CSNK1G3: variants seen among roughly 807,000 people sequenced by gnomAD.
The protein encoded by CSNK1G3 is casein kinase 1 gamma 3.
CSNK1G3 carries 23 observed loss-of-function variants against 64.3 expected under a neutral mutation model. The ratio of observed to expected loss-of-function variants is 0.36; its 90% CI spans 0.26 to 0.51. CSNK1G3 has a LOEUF of 0.51. Among genes scored for constraint, CSNK1G3 ranks in the 20% least tolerant of loss-of-function variants. The pLI is 0.96. For missense variants in CSNK1G3, 357 were observed against 510.5 expected, an observed-to-expected ratio of 0.70 and a Z score of 2.90; for synonymous variants, 158 against 162.2, an observed-to-expected ratio of 0.97 and a Z score of 0.20.
chr5:123,593,904 C>T (rs1328355508), intron 10 of CSNK1G3, among the ~76,000 whole-genome samples: 1 of 152,028 alleles, frequency 6.6e-6, no homozygotes, highest in Non-Finnish European at 1.5e-5. Context: ...ATATGCTTGG[C>T]ACTTTGTGGC....
chr5:123,550,608 C>T (rs1301679479), intron 2 of CSNK1G3, among the ~76,000 whole-genome samples: 1 of 152,094 alleles, frequency 6.6e-6, no homozygotes, highest in Non-Finnish European at 1.5e-5. Context: ...ATTACCACCC[C>T]AAAGCCACAA....
intron 1 of CSNK1G3, among the ~76,000 whole-genome samples, chr5:123,525,333 A>G (rs1267408579): frequency 1.4e-5 from 2 of 141,414 alleles, no homozygotes; most frequent in Non-Finnish European, 3.0e-5. Context: ...TTTTTTTGAG[A>G]CGGAGTCTCA....
At chr5:123,532,104 G>A (rs1029397579) in intron 1 of CSNK1G3, among the ~76,000 whole-genome samples, 12 of 151,782 alleles carry the variant, frequency 7.9e-5, no homozygotes, top group African/African-American at 2.9e-4. Flanking sequence ...AGCAACTGGT[G>A]TAATAGTAAG....
chr5:123,601,001 C>T (rs1339689357), intron 10 of CSNK1G3, among the ~76,000 whole-genome samples: 2 of 151,578 alleles, frequency 1.3e-5, no homozygotes, highest in African/African-American at 4.8e-5. Flanking sequence ...CAACAACAAT[C>T]CTGTATAATA....
intron 6 of CSNK1G3, 111 bp from the exon 7 acceptor site, chr5:123,587,957 A>G (rs1023157328): frequency 6.1e-6 from 4 of 650,538 alleles, no homozygotes; most frequent in Admixed American, 6.3e-5. Context: ...TTTTGTATTT[A>G]TATGTTGAAC....
chr5:123,522,484 T>C (rs9327299), intron 1 of CSNK1G3, among the ~76,000 whole-genome samples: 89,944 of 149,490 alleles, frequency 0.6, 28,138 homozygotes, highest in African/African-American at 0.78. Context: ...GCCTAGGCAA[T>C]AGAGCGAGAT....
intron 1 of CSNK1G3, among the ~76,000 whole-genome samples, chr5:123,539,784 CT>C (rs1781400583): frequency 6.6e-6 from 1 of 152,148 alleles, no homozygotes; most frequent in African/African-American, 2.4e-5. Flanking sequence ...GTGAAATCAT[CT>C]TTATGGGAAT....
At chr5:123,600,771 A>C (rs1241557747) in intron 10 of CSNK1G3, among the ~76,000 whole-genome samples, 1 of 152,172 alleles carries the variant, frequency 6.6e-6, no homozygotes, top group Admixed American at 6.5e-5. Context: ...TCTGAAATCT[A>C]TAAGAATAAC....
In CSNK1G3 at chr5:123,557,479, T is replaced by G; in HGVS notation, c.220-16T>G. 2 of 1,595,540 alleles carry G rather than the reference T, an allele frequency of 1.3e-6. No homozygotes were observed. Among genetic ancestry groups the G allele is most frequent in the Non-Finnish European group, 1.7e-6 (2 of 1,169,376 alleles). ...TTAATAACTTAAATGTCTTTTTTTGTTTGTTTTTCAATTAGGAGCCCATGA... is the reference window on the plus strand; with the variant it reads ...TTAATAACTTAAATGTCTTTTTTTGGTTGTTTTTCAATTAGGAGCCCATGA... On this transcript the variant is annotated splice_polypyrimidine_tract_variant and intron_variant, in intron 3 of 12. Coordinates refer to ENST00000345990, the Ensembl canonical transcript of CSNK1G3.
chr5:123,583,012 G>A (rs1023465486), intron 6 of CSNK1G3, among the ~76,000 whole-genome samples: 5 of 152,240 alleles, frequency 3.3e-5, no homozygotes, highest in African/African-American at 1.2e-4. Flanking sequence ...AATGCTTTGT[G>A]GGTTATGAGA....
intron 1 of CSNK1G3, among the ~76,000 whole-genome samples, chr5:123,514,095 T>C (rs1215087832): frequency 6.6e-6 from 1 of 152,244 alleles, no homozygotes; most frequent in African/African-American, 2.4e-5. Flanking sequence ...CTTAGCAGAA[T>C]GTACAGACAC....
intron 2 of CSNK1G3, among the ~76,000 whole-genome samples, chr5:123,551,509 A>G (rs1181886355): frequency 6.6e-6 from 1 of 152,212 alleles, no homozygotes. Context: ...CTTAGCGTTA[A>G]TATGAATACT....
chr5:123,536,333 A>G (rs1289566561), intron 1 of CSNK1G3, among the ~76,000 whole-genome samples: 1 of 151,896 alleles, frequency 6.6e-6, no homozygotes, highest in Non-Finnish European at 1.5e-5. Context: ...TATTTGATTA[A>G]TTAAACATAA....
At chr5:123,550,484 G>A (rs1581067940) in intron 2 of CSNK1G3, among the ~76,000 whole-genome samples, 1 of 152,164 alleles carries the variant, frequency 6.6e-6, no homozygotes, top group South Asian at 2.1e-4. Context: ...CTTTAGCTGG[G>A]CAGCCATTTT....
At chr5:123,525,314 A>AT (rs374117552) in intron 1 of CSNK1G3, among the ~76,000 whole-genome samples, 35,735 of 133,862 alleles carry the variant, frequency 0.27, 4,711 homozygotes, top group Middle Eastern at 0.33. Context: ...AGTTGTTTGC[A>AT]TTTTTTTTTT....
exon 5 of CSNK1G3, chr5:123,573,452 G>C: frequency 6.2e-7 from 1 of 1,613,908 alleles, no homozygotes; most frequent in Non-Finnish European, 8.5e-7. Flanking sequence ...TATGGTGCTG[G>C]AACTGCTGGG....
intron 1 of CSNK1G3, among the ~76,000 whole-genome samples, chr5:123,523,954 A>G (rs371156183): frequency 6.5e-4 from 99 of 152,300 alleles, no homozygotes; most frequent in African/African-American, 2.1e-3. Context: ...TATATGGTGT[A>G]TACCCACTGT....
intron 1 of CSNK1G3, among the ~76,000 whole-genome samples, chr5:123,513,276 T>G (rs909756804): frequency 1.3e-5 from 2 of 152,158 alleles, no homozygotes; most frequent in East Asian, 1.9e-4. Context: ...GGTCTCTTGG[T>G]CCACAGCCTC....
chr5:123,568,323 C>T (rs1787359098), intron 4 of CSNK1G3, among the ~76,000 whole-genome samples: 1 of 152,076 alleles, frequency 6.6e-6, no homozygotes, highest in South Asian at 2.1e-4. Flanking sequence ...AAGTTTGGCT[C>T]TGGGAAGTGC....
Sources: allele counts gnomAD v4.1 joint callset (sites outside exome capture counted in the v4.1 genomes callset), GRCh38; gene constraint gnomAD v4.1.1; transcripts MANE v1.5; gene names NCBI Gene and HGNC (gene_info 2026-07-23, HGNC 2026-07-21).